The following RARB variants were observed in gnomAD, a reference collection of about 807,000 sequenced individuals.
RARB encodes the protein HBV-activated protein.
In RARB, 17 loss-of-function variants were observed where a neutral mutation model predicts 51.9. The ratio of observed to expected loss-of-function variants is 0.33; its 90% CI spans 0.22 to 0.49. The LOEUF is 0.49. Ranked by LOEUF, RARB falls within the 20% of genes least tolerant of loss-of-function variation. The pLI, the probability that RARB is intolerant of heterozygous loss-of-function variation, is 0.99. For synonymous variants in RARB, 215 were observed against 195.4 expected, an observed-to-expected ratio of 1.10 and a Z score of -0.84; for missense variants, 369 against 550.8, an observed-to-expected ratio of 0.67 and a Z score of 3.30.
chr3:25,346,865 G>C (rs1338430715), intron 5 of RARB, among the ~76,000 whole-genome samples: 3 of 152,210 alleles, frequency 2.0e-5, no homozygotes, highest in East Asian at 1.9e-4. Flanking sequence ...CCCTGTGCCA[G>C]GCCCCCAAAA....
intron 5 of RARB, among the ~76,000 whole-genome samples, chr3:25,589,543 G>C (rs1409836272): frequency 1.3e-5 from 2 of 152,226 alleles, no homozygotes; most frequent in Non-Finnish European, 2.9e-5. Flanking sequence ...CGTAAGAGAG[G>C]TGATGGCAGC....
At chr3:25,117,748 A>G (rs1275232286) in intron 3 of RARB, among the ~76,000 whole-genome samples, 2 of 152,136 alleles carry the variant, frequency 1.3e-5, no homozygotes, top group African/African-American at 4.8e-5. Context: ...GGCTTTCAGA[A>G]TTTACCTGGA....
chr3:25,007,477 A>C (rs550251901), intron 2 of RARB, among the ~76,000 whole-genome samples: 1 of 151,424 alleles, frequency 6.6e-6, no homozygotes, highest in African/African-American at 2.4e-5. Context: ...AAATACAAAA[A>C]ATAGCTGGGC....
intron 5 of RARB, among the ~76,000 whole-genome samples, chr3:25,320,745 C>A (rs371458934): frequency 6.6e-6 from 1 of 152,094 alleles, no homozygotes; most frequent in Non-Finnish European, 1.5e-5. Context: ...TTTTGTGAAA[C>A]CTGGGGTTTA....
intron 5 of RARB, among the ~76,000 whole-genome samples, chr3:25,304,651 C>T (rs139776532): frequency 1.1e-3 from 174 of 152,296 alleles, no homozygotes; most frequent in East Asian, 6.6e-3. Context: ...CCACCACTAC[C>T]GCGCTAGTCC....
chr3:24,992,065 C>G (rs893856414), intron 2 of RARB, among the ~76,000 whole-genome samples: 6 of 152,156 alleles, frequency 3.9e-5, no homozygotes, highest in Non-Finnish European at 7.4e-5. Flanking sequence ...CTTGCAACTC[C>G]AGCAGGGCTC....
chr3:25,291,050 G>A (rs1018124126), intron 5 of RARB, among the ~76,000 whole-genome samples: 1 of 152,166 alleles, frequency 6.6e-6, no homozygotes, highest in Admixed American at 6.5e-5. Context: ...GATCACTTAT[G>A]TCATACTTGG....
At chr3:24,998,492 T>A (rs1559427819) in intron 2 of RARB, among the ~76,000 whole-genome samples, 1 of 147,288 alleles carries the variant, frequency 6.8e-6, no homozygotes, top group African/African-American at 2.5e-5. Flanking sequence ...CTTGCTGCCT[T>A]AAAAAAAAAA....
chr3:25,304,732 T>C (rs1034747491), intron 5 of RARB, among the ~76,000 whole-genome samples: 1 of 152,168 alleles, frequency 6.6e-6, no homozygotes, highest in African/African-American at 2.4e-5. Context: ...CTTGTCCTTA[T>C]AGACTGACCT....
intron 5 of RARB, among the ~76,000 whole-genome samples, chr3:25,335,354 T>G (rs1403012624): frequency 6.6e-6 from 1 of 152,222 alleles, no homozygotes. Context: ...AGTGGATTTT[T>G]AAAAATTAAT....
At chr3:25,153,129 A>G (rs986687984) in intron 4 of RARB, among the ~76,000 whole-genome samples, 1 of 130,170 alleles carries the variant, frequency 7.7e-6, no homozygotes. Flanking sequence ...CAAGTAATAG[A>G]GGCAGAGTGT....
intron 3 of RARB, among the ~76,000 whole-genome samples, chr3:25,098,434 A>G (rs1699340757): frequency 6.6e-6 from 1 of 152,216 alleles, no homozygotes; most frequent in African/African-American, 2.4e-5. Context: ...TTCTCTAAGA[A>G]GATGAAGTCA....
Position 25,176,008 on chromosome 3 carries a change from G to A in RARB, c.178+1433G>A, listed in dbSNP as rs375608855. Among the ~76,000 whole-genome samples the A allele has an allele frequency of 7.9e-5, 12 of 152,142 alleles. No homozygotes were observed. In the East Asian group the frequency reaches 9.7e-4, roughly 12 times the overall value. ...GTTACTTTTAGCTAACAAATGAGGA[G>A]GTCTAAATGATTGATAAAGCCATTA... On this transcript the variant is annotated intron_variant, in intron 5 of 11. Transcript: ENST00000383772.
At chr3:25,419,344 T>C (rs1422365506) in intron 5 of RARB, among the ~76,000 whole-genome samples, 1 of 152,146 alleles carries the variant, frequency 6.6e-6, no homozygotes, top group Non-Finnish European at 1.5e-5. Context: ...TGGGGTAGCA[T>C]GTTCTGATTC....
intron 2 of RARB, among the ~76,000 whole-genome samples, chr3:24,978,217 TTTG>T (rs1216158521): frequency 6.6e-6 from 1 of 152,096 alleles, no homozygotes; most frequent in Non-Finnish European, 1.5e-5. Context: ...ATTCTTTTTT[TTTG>T]TTGTTGTGTC....
intron 3 of RARB, among the ~76,000 whole-genome samples, chr3:25,071,600 A>G (rs1698767065): frequency 6.6e-6 from 1 of 152,222 alleles, no homozygotes; most frequent in Non-Finnish European, 1.5e-5. Context: ...CCACAAGGTT[A>G]TATATTCTTT....
chr3:25,544,527 C>A (rs556511322), intron 3 of RARB, among the ~76,000 whole-genome samples: 1 of 152,252 alleles, frequency 6.6e-6, no homozygotes, highest in South Asian at 2.1e-4. Context: ...CATCTCATGC[C>A]CTGTGTTGCT....
At chr3:25,165,849 A>G (rs979237589) in intron 4 of RARB, among the ~76,000 whole-genome samples, 1 of 152,200 alleles carries the variant, frequency 6.6e-6, no homozygotes. Context: ...AGTGTTTTAT[A>G]CATTGTAATA....
At chr3:25,317,744 T>C (rs1270013614) in intron 5 of RARB, among the ~76,000 whole-genome samples, 1 of 152,196 alleles carries the variant, frequency 6.6e-6, no homozygotes, top group East Asian at 1.9e-4. Context: ...CATTAATTGA[T>C]AAGAATTTAT....
Sources: gnomAD v4.1 joint callset for allele counts (sites outside exome capture counted in the v4.1 genomes callset) on GRCh38, gnomAD v4.1.1 for gene constraint, MANE v1.5 for transcripts, NCBI Gene and HGNC (gene_info 2026-07-23, HGNC 2026-07-21) for gene names.